The following NRG3 variants were observed in gnomAD, a reference collection of about 807,000 sequenced individuals.
NRG3 encodes neuregulin 3, also known as pro-neuregulin-3, membrane-bound isoform.
A neutral mutation model predicts 66.9 loss-of-function variants in NRG3; 31 were observed. The ratio of observed to expected loss-of-function variants is 0.46; its 90% CI spans 0.35 to 0.63. The LOEUF (loss-of-function observed/expected upper bound fraction) is 0.63, where lower values mean the gene tolerates loss of function less well. NRG3 is among the 20% of genes least tolerant of loss of function. The probability of loss-of-function intolerance (pLI) is 0.00; values close to 1 mark genes in which losing one functional copy is unlikely to be tolerated. For synonymous variants in NRG3, 393 were observed against 359.4 expected, an observed-to-expected ratio of 1.09 and a Z score of -1.06; for missense variants, 910 against 878.9, an observed-to-expected ratio of 1.04 and a Z score of -0.45.
chr10:82,102,123 TATGTGTATTC>T (rs56916901), intron 1 of NRG3, among the ~76,000 whole-genome samples: 1,124 of 14,122 alleles, frequency 0.08, 61 homozygotes, highest in South Asian at 0.23. Context: ...CATATATATA[TATGTGTATTC>T]ATATATATAT....
intron 1 of NRG3, among the ~76,000 whole-genome samples, chr10:82,313,753 C>G (rs1406878931): frequency 6.6e-6 from 1 of 152,108 alleles, no homozygotes; most frequent in South Asian, 2.1e-4. Flanking sequence ...TTTGGGAGGC[C>G]TTTGTAGAGC....
intron 2 of NRG3, among the ~76,000 whole-genome samples, chr10:82,677,184 T>G (rs2053764235): frequency 6.6e-6 from 1 of 151,884 alleles, no homozygotes. Flanking sequence ...TGCTAGTAGC[T>G]GGGACAACAG....
At chr10:82,940,684 TCA>T (rs974040279) in intron 4 of NRG3, among the ~76,000 whole-genome samples, 5 of 152,118 alleles carry the variant, frequency 3.3e-5, no homozygotes, top group African/African-American at 9.7e-5. Flanking sequence ...TGGTGAAAGC[TCA>T]GTCTCTGCTT....
chr10:82,739,081 A>G (rs552100311), intron 3 of NRG3, among the ~76,000 whole-genome samples: 2 of 152,358 alleles, frequency 1.3e-5, no homozygotes, highest in East Asian at 3.9e-4. Context: ...CTAAAGTAAG[A>G]AAACGTGTAC....
intron 1 of NRG3, among the ~76,000 whole-genome samples, chr10:82,099,143 C>G (rs1053437183): frequency 6.6e-6 from 1 of 152,072 alleles, no homozygotes; most frequent in Non-Finnish European, 1.5e-5. Flanking sequence ...TATGGTTTTG[C>G]TGTTCTGTAT....
At chr10:82,184,810 G>A (rs1274981952) in intron 1 of NRG3, among the ~76,000 whole-genome samples, 1 of 152,044 alleles carries the variant, frequency 6.6e-6, no homozygotes, top group African/African-American at 2.4e-5. Flanking sequence ...ACTTGAAAAA[G>A]AAAAGGAAGA....
chr10:81,906,346 A>T (rs1844605120), intron 1 of NRG3, among the ~76,000 whole-genome samples: 1 of 152,166 alleles, frequency 6.6e-6, no homozygotes. Flanking sequence ...GTCCTGAATC[A>T]CAATTGTTAT....
chr10:82,569,348 C>T (rs2045596119), intron 2 of NRG3, among the ~76,000 whole-genome samples: 1 of 151,726 alleles, frequency 6.6e-6, no homozygotes, highest in Non-Finnish European at 1.5e-5. Flanking sequence ...TTACCTAGAA[C>T]AAGCTGCTTA....
At chr10:82,523,683 C>T (rs1412879944) in intron 2 of NRG3, among the ~76,000 whole-genome samples, 6 of 152,036 alleles carry the variant, frequency 3.9e-5, no homozygotes, top group African/African-American at 1.4e-4. Context: ...TAGCATTCTG[C>T]ACTTTTATTT....
intron 2 of NRG3, among the ~76,000 whole-genome samples, chr10:82,635,606 A>G (rs984281364): frequency 1.8e-4 from 28 of 152,026 alleles, no homozygotes; most frequent in African/African-American, 7.2e-5. Flanking sequence ...CATTATTATT[A>G]TTATTGTTAT....
intron 1 of NRG3, among the ~76,000 whole-genome samples, chr10:81,963,056 A>T (rs974824666): frequency 6.6e-6 from 1 of 151,494 alleles, no homozygotes; most frequent in Admixed American, 6.6e-5. Context: ...ACAAGTCACA[A>T]TGCAAACAAA....
intron 2 of NRG3, among the ~76,000 whole-genome samples, chr10:82,536,968 T>C (rs1432655688): frequency 1.3e-5 from 2 of 151,850 alleles, no homozygotes; most frequent in African/African-American, 4.8e-5. Context: ...AAAAGATAAG[T>C]TGACATGAAT....
At chr10:82,101,729 G>A (rs1021875451) in intron 1 of NRG3, among the ~76,000 whole-genome samples, 3 of 151,534 alleles carry the variant, frequency 2.0e-5, no homozygotes, top group South Asian at 2.1e-4. Flanking sequence ...TTTGCTAAGG[G>A]TTGTTTAATA....
chr10:82,955,737 C>T (rs1849981700), intron 5 of NRG3, among the ~76,000 whole-genome samples: 1 of 151,888 alleles, frequency 6.6e-6, no homozygotes, highest in African/African-American at 2.4e-5. Flanking sequence ...CAAAAAAAGC[C>T]TCTTAATGGC....
chr10:82,518,499 C>A (rs934739306), intron 2 of NRG3, among the ~76,000 whole-genome samples: 8 of 151,944 alleles, frequency 5.3e-5, no homozygotes, highest in Admixed American at 5.3e-4. Context: ...AGTGTCTGCT[C>A]CCCCCTACAC....
chr10:81,904,780 C>T (rs1015927143), intron 1 of NRG3, among the ~76,000 whole-genome samples: 3 of 152,152 alleles, frequency 2.0e-5, no homozygotes, highest in Admixed American at 6.5e-5. Context: ...TCCCAAACCG[C>T]CTCCTTTGTA....
intron 2 of NRG3, among the ~76,000 whole-genome samples, chr10:82,525,375 C>T (rs1274453403): frequency 4.0e-5 from 6 of 151,800 alleles, no homozygotes; most frequent in Non-Finnish European, 1.5e-5. Flanking sequence ...GAGAGTTTAA[C>T]AGGAAATCCT....
At chr10:81,988,172 A>G (rs540238800) in intron 1 of NRG3, among the ~76,000 whole-genome samples, 2 of 152,220 alleles carry the variant, frequency 1.3e-5, no homozygotes, top group African/African-American at 2.4e-5. Context: ...AATGCTCTGA[A>G]ATAACTATTG....
intron 1 of NRG3, among the ~76,000 whole-genome samples, chr10:82,267,095 C>T (rs1027363253): frequency 3.3e-5 from 5 of 152,050 alleles, no homozygotes; most frequent in Admixed American, 6.6e-5. Flanking sequence ...TATATAGAGC[C>T]GTGGTTAAGA....
Sources: gnomAD v4.1 joint callset for allele counts (sites outside exome capture counted in the v4.1 genomes callset) on GRCh38, gnomAD v4.1.1 for gene constraint, MANE v1.5 for transcripts, NCBI Gene and HGNC (gene_info 2026-07-23, HGNC 2026-07-21) for gene names.